CCL28: variants seen among roughly 807,000 people sequenced by gnomAD.
CCL28 encodes the protein C-C motif chemokine 28.
In CCL28, 4 loss-of-function variants were observed where a neutral mutation model predicts 7.1. The observed-to-expected ratio is 0.56, with a 90% CI of 0.28 to 1.29. The LOEUF (loss-of-function observed/expected upper bound fraction) is 1.29. Ranked by LOEUF, CCL28 falls within the 50% of genes most tolerant of loss-of-function variation. The pLI is 0.11. For synonymous variants in CCL28, 55 were observed against 57.8 expected, an observed-to-expected ratio of 0.95 and a Z score of 0.22; for missense variants, 151 against 163.4, an observed-to-expected ratio of 0.92 and a Z score of 0.41.
intron 2 of CCL28, 105 bp from the exon 3 acceptor site, chr5:43,382,157 G>T: frequency 2.1e-6 from 2 of 957,226 alleles, no homozygotes; most frequent in East Asian, 2.7e-5. Context: ...TATTCCTAGA[G>T]ACTAAATTCA....
the CCL28 span, among the ~76,000 whole-genome samples, chr5:43,371,339 T>C: frequency 1.3e-5 from 2 of 152,218 alleles, no homozygotes; most frequent in Admixed American, 6.5e-5. Context: ...GCCTCCAAAA[T>C]TGTCCCCAGT....
intron 2 of CCL28, 67 bp downstream of exon 2, chr5:43,388,283 C>T: frequency 5.7e-6 from 9 of 1,579,820 alleles, no homozygotes; most frequent in African/African-American, 2.7e-5. Flanking sequence ...CCTTTCCAAC[C>T]TATTATTCGT....
intron 1 of CCL28, among the ~76,000 whole-genome samples, chr5:43,395,792 T>G (rs952869873): frequency 4.6e-5 from 7 of 151,948 alleles, no homozygotes; most frequent in Non-Finnish European, 7.4e-5. Context: ...GTTGCCCATT[T>G]TTATGGTTAT....
chr5:43,365,064 G>A, the CCL28 span, among the ~76,000 whole-genome samples: 2 of 150,098 alleles, frequency 1.3e-5, no homozygotes, highest in African/African-American at 2.5e-5. Flanking sequence ...GAGTACAGTG[G>A]CGTGATCTTG....
At chr5:43,362,796 G>A in the CCL28 span, among the ~76,000 whole-genome samples, 1 of 152,140 alleles carries the variant, frequency 6.6e-6, no homozygotes, top group East Asian at 1.9e-4. Context: ...AAAGTAACTT[G>A]AGCCCATTTT....
In CCL28 at chr5:43,412,337, C is replaced by T. The variant is rs893858623; in HGVS notation, c.-21G>A. 7.5e-6 allele frequency: 12 copies of T among 1,606,810 alleles called. No individual in the cohort carries two copies. Among genetic ancestry groups the T allele is most frequent in the Non-Finnish European group, 1.0e-5 (12 of 1,175,382 alleles). The stretch of plus-strand genomic sequence containing the variant: ...TGCATTCCTGCCTGCCCTACTGGCA[C>T]TGACAGCAACACAAGTGAGGCTGTT... On this transcript the variant is annotated 5_prime_UTR_variant, in exon 1 of 3. In the 5' UTR this introduces an upstream ATG that the reference lacks. Coordinates refer to ENST00000361115, the MANE Select transcript of CCL28 (RefSeq NM_148672.3).
chr5:43,391,536 C>G (rs548538887), intron 1 of CCL28, among the ~76,000 whole-genome samples: 1 of 152,282 alleles, frequency 6.6e-6, no homozygotes, highest in South Asian at 2.1e-4. Flanking sequence ...CCTTGTGAAA[C>G]ATTTCAACAC....
chr5:43,404,086 C>A (rs976837008), intron 1 of CCL28, among the ~76,000 whole-genome samples: 1 of 152,228 alleles, frequency 6.6e-6, no homozygotes, highest in African/African-American at 2.4e-5. Context: ...AAACACTCTT[C>A]AGGATATCAT....
At chr5:43,387,699 G>A (rs762379111) in intron 2 of CCL28, among the ~76,000 whole-genome samples, 2 of 152,224 alleles carry the variant, frequency 1.3e-5, no homozygotes, top group Non-Finnish European at 1.5e-5. Context: ...GCATGAGCAC[G>A]GCTCACTGCA....
intron 1 of CCL28, among the ~76,000 whole-genome samples, chr5:43,407,919 G>A (rs1489842295): frequency 1.3e-5 from 2 of 152,142 alleles, no homozygotes; most frequent in African/African-American, 2.4e-5. Flanking sequence ...TCAGAGAAAT[G>A]CAAATCAAAA....
At chr5:43,372,472 G>A (rs1244026986), downstream of CCL28, among the ~76,000 whole-genome samples, 2 of 151,994 alleles carry the variant, frequency 1.3e-5, no homozygotes, top group African/African-American at 4.8e-5. Flanking sequence ...AGGTTCAAGG[G>A]ATTCTTCTGC....
chr5:43,367,594 C>T, the CCL28 span, among the ~76,000 whole-genome samples: 16 of 152,228 alleles, frequency 1.1e-4, no homozygotes, highest in African/African-American at 2.9e-4. Context: ...TGAGGTGAGC[C>T]GTGTACCTCA....
At chr5:43,407,738 C>G (rs1016525374) in intron 1 of CCL28, among the ~76,000 whole-genome samples, 4 of 152,192 alleles carry the variant, frequency 2.6e-5, no homozygotes, top group African/African-American at 4.8e-5. Flanking sequence ...TTTTTACAAT[C>G]TATCCATCTG....
intron 1 of CCL28, among the ~76,000 whole-genome samples, chr5:43,392,912 C>T (rs1740635804): frequency 6.6e-6 from 1 of 152,076 alleles, no homozygotes; most frequent in East Asian, 1.9e-4. Context: ...TATCTTTTAA[C>T]TTTGAAGTAT....
intron 1 of CCL28, among the ~76,000 whole-genome samples, chr5:43,396,492 T>C (rs1440278022): frequency 6.6e-6 from 1 of 152,106 alleles, no homozygotes; most frequent in Non-Finnish European, 1.5e-5. Flanking sequence ...GACAATTGCA[T>C]TGCAGCCTGG....
chr5:43,392,202 C>T (rs940737115), intron 1 of CCL28, among the ~76,000 whole-genome samples: 1 of 152,132 alleles, frequency 6.6e-6, no homozygotes, highest in African/African-American at 2.4e-5. Context: ...TTGCAACCTC[C>T]GTCTCCGGGG....
the CCL28 span, among the ~76,000 whole-genome samples, chr5:43,371,177 A>G: frequency 6.6e-6 from 1 of 152,244 alleles, no homozygotes; most frequent in African/African-American, 2.4e-5. Context: ...CAAGCAACAG[A>G]ACATTACTAG....
the CCL28 span, among the ~76,000 whole-genome samples, chr5:43,363,348 A>G: frequency 1.3e-5 from 2 of 152,206 alleles, no homozygotes; most frequent in Admixed American, 6.5e-5. Flanking sequence ...AACACACTAG[A>G]CATGGCTCTG....
In CCL28 at chr5:43,381,185, C is replaced by T. The variant is rs1310092874; in HGVS notation, c.*675G>A. On this transcript the variant is annotated 3_prime_UTR_variant, in exon 3 of 3. Transcript: ENST00000361115. The stretch of plus-strand genomic sequence containing the variant: ...AGTTATAATATTTTATATAGAAACA[C>T]ATACAAAGAGAGGAGAGAGAAAGCA... 6.6e-6 allele frequency: 1 copy of T among 151,888 alleles called. No homozygotes were observed. The highest frequency in any genetic ancestry group is 1.5e-5 in the Non-Finnish European group (1 of 67,994). 9.4% of individuals were successfully genotyped at this position (151,888 alleles called of 1,614,324 possible).
Sources: allele counts gnomAD v4.1 joint callset (sites outside exome capture counted in the v4.1 genomes callset), GRCh38; gene constraint gnomAD v4.1.1; transcripts MANE v1.5; gene names NCBI Gene and HGNC (gene_info 2026-07-23, HGNC 2026-07-21).